The following EXTL3 variants were observed in gnomAD, a reference collection of about 807,000 sequenced individuals.
EXTL3 encodes the protein exostosin like glycosyltransferase 3, also known as exostosin-like 3.
Under a neutral mutation model 69.3 loss-of-function variants are expected in EXTL3, and 27 were observed. That is an observed-to-expected ratio of 0.39 (90% confidence interval 0.29 to 0.54). EXTL3 has a LOEUF of 0.54. Among genes scored for constraint, EXTL3 ranks in the 20% least tolerant of loss-of-function variants. The probability of loss-of-function intolerance (pLI) is 0.69; values close to 1 mark genes in which losing one functional copy is unlikely to be tolerated. For synonymous variants in EXTL3, 511 were observed against 499.4 expected (o/e 1.02, Z -0.31); for missense variants, 1,003 against 1,231.8 (o/e 0.81, Z 2.78).
At chr8:28,708,776 C>T (rs1161683119) in intron 1 of EXTL3, among the ~76,000 whole-genome samples, 1 of 152,068 alleles carries the variant, frequency 6.6e-6, no homozygotes, top group Non-Finnish European at 1.5e-5. Flanking sequence ...GGAGTTCTGC[C>T]ACTTGATGGG....
chr8:28,671,309 G>GT (rs749395423), intron 1 of EXTL3, among the ~76,000 whole-genome samples: 7,066 of 89,580 alleles, frequency 0.079, 528 homozygotes, highest in East Asian at 0.25. Context: ...TTTGTTTTTT[G>GT]TTTTTTTTTT....
In EXTL3 at chr8:28,754,339, CGAG is replaced by C; in HGVS notation, c.*3476_*3478del. 1 of 152,542 alleles carries C rather than the reference CGAG, an allele frequency of 6.6e-6. No individual in the cohort carries two copies. The highest frequency in any genetic ancestry group is 6.5e-5 in the Admixed American group (1 of 15,300). 9.4% of individuals were successfully genotyped at this position (152,542 alleles called of 1,614,324 possible). Reference sequence around the variant, plus strand: ...ATGGAGATGGGAAAGGGGGTAAAGGCGAGGACTCCTCTCCTGGGCTCTGCAGGT... The same window carrying C: ...ATGGAGATGGGAAAGGGGGTAAAGGCGACTCCTCTCCTGGGCTCTGCAGGT... On this transcript the variant is annotated 3_prime_UTR_variant, in exon 7 of 7. Coordinates refer to ENST00000220562, the MANE Select transcript of EXTL3 (RefSeq NM_001440.4).
At chr8:28,709,025 T>C (rs1041360059) in intron 1 of EXTL3, among the ~76,000 whole-genome samples, 2 of 152,156 alleles carry the variant, frequency 1.3e-5, no homozygotes, top group African/African-American at 4.8e-5. Context: ...ATGATACACA[T>C]GATAGGCATG....
At chr8:28,650,155 C>T (rs1261001929) in intron 1 of EXTL3, among the ~76,000 whole-genome samples, 2 of 147,782 alleles carry the variant, frequency 1.4e-5, no homozygotes, top group African/African-American at 5.0e-5. Flanking sequence ...GAGATTGCAC[C>T]ACTGCACTCC....
chr8:28,709,400 CCT>C (rs553980481), intron 1 of EXTL3, among the ~76,000 whole-genome samples: 5 of 152,050 alleles, frequency 3.3e-5, no homozygotes, highest in South Asian at 2.1e-4. Flanking sequence ...AAGCGTCTAG[CCT>C]CTCTCTCTGT....
intron 2 of EXTL3, among the ~76,000 whole-genome samples, chr8:28,612,472 AAAAAAGAAAAAAG>A (rs1417990574): frequency 1.3e-5 from 2 of 150,394 alleles, no homozygotes; most frequent in African/African-American, 4.9e-5. Context: ...TTAAAAAAAA[AAAAAAGAAAAAAG>A]AAAAAAAGAA....
intron 1 of EXTL3, among the ~76,000 whole-genome samples, chr8:28,657,431 C>T (rs1211753222): frequency 6.6e-6 from 1 of 152,194 alleles, no homozygotes; most frequent in African/African-American, 2.4e-5. Context: ...CTGCCTGGCC[C>T]GACTAAGTGG....
chr8:28,722,404 C>G (rs1422219305), intron 3 of EXTL3, among the ~76,000 whole-genome samples: 5 of 152,172 alleles, frequency 3.3e-5, no homozygotes, highest in Admixed American at 6.5e-5. Context: ...GTTCAGAGAT[C>G]AGCATAGCAC....
At chr8:28,635,665 C>T (rs1056759516) in intron 1 of EXTL3, among the ~76,000 whole-genome samples, 1 of 150,188 alleles carries the variant, frequency 6.7e-6, no homozygotes, top group Non-Finnish European at 1.5e-5. Context: ...GAGCTGAGAT[C>T]GCACCACTGC....
At chr8:28,686,180 T>C (rs1807574364) in intron 1 of EXTL3, among the ~76,000 whole-genome samples, 1 of 152,034 alleles carries the variant, frequency 6.6e-6, no homozygotes, top group Non-Finnish European at 1.5e-5. Flanking sequence ...TTTGCGTATA[T>C]GTAAAAAATA....
Position 28,749,623 on chromosome 8 carries a change from T to TTTCATTCATTCA in EXTL3, c.2551-1003_2551-992dup, listed in dbSNP as rs139624117. Among the ~76,000 whole-genome samples the TTTCATTCATTCA allele has an allele frequency of 1.3e-3, 194 of 150,616 alleles. 1 individual carries two copies. Among genetic ancestry groups the TTTCATTCATTCA allele is most frequent in the Non-Finnish European group, 2.0e-3 (133 of 67,656 alleles). On this transcript the variant is annotated intron_variant, in intron 6 of 6. Transcript: ENST00000220562. ...TTTTTCATTGTTTGGCCTCTGAGGA[T>TTTCATTCATTCA]TTCATTCATTCATTCATTCATTCAT... is the stretch of plus-strand genomic sequence containing the variant.
chr8:28,645,828 C>CTTT (rs34032752), intron 1 of EXTL3, among the ~76,000 whole-genome samples: 1 of 140,758 alleles, frequency 7.1e-6, no homozygotes, highest in Non-Finnish European at 1.6e-5. Context: ...TGCACCTGGA[C>CTTT]TTTTTTTTTT....
chr8:28,659,036 CT>C (rs1807060790), intron 1 of EXTL3, among the ~76,000 whole-genome samples: 1 of 152,094 alleles, frequency 6.6e-6, no homozygotes, highest in Non-Finnish European at 1.5e-5. Context: ...ATGTTATTTC[CT>C]AAGTACGGCT....
At chr8:28,635,423 CG>C in intron 1 of EXTL3, among the ~76,000 whole-genome samples, 1 of 148,438 alleles carries the variant, frequency 6.7e-6, no homozygotes, top group Middle Eastern at 3.4e-3. Flanking sequence ...AAAAATTGGC[CG>C]AGCGCAGTGG....
chr8:28,691,572 A>ATTGTTTTTTTTTTTTTTTTTTTTT (rs1800612661), intron 1 of EXTL3, among the ~76,000 whole-genome samples: 1 of 135,492 alleles, frequency 7.4e-6, no homozygotes, highest in African/African-American at 3.2e-5. Flanking sequence ...AGTTTTTGTG[A>ATTGTTTTTTTTTTTTTTTTTTTTT]TTTTTTTTTT....
At chr8:28,693,129 T>G (rs1377119854) in intron 1 of EXTL3, among the ~76,000 whole-genome samples, 1 of 151,796 alleles carries the variant, frequency 6.6e-6, no homozygotes, top group Admixed American at 6.6e-5. Flanking sequence ...ACAGGTTAGG[T>G]GTCTTATGCA....
At chr8:28,749,623 TTTCATTCATTCATTCATTCATTCA>T (rs139624117) in intron 6 of EXTL3, among the ~76,000 whole-genome samples, 2 of 150,502 alleles carry the variant, frequency 1.3e-5, no homozygotes, top group African/African-American at 2.4e-5. Flanking sequence ...CCTCTGAGGA[TTTCATTCATTCATTCATTCATTCA>T]TTCATTCATT....
At chr8:28,674,132 T>A (rs778862512) in intron 1 of EXTL3, among the ~76,000 whole-genome samples, 2 of 152,172 alleles carry the variant, frequency 1.3e-5, no homozygotes, top group Non-Finnish European at 2.9e-5. Context: ...CCAGCTGGAG[T>A]GCAGTAGCAC....
upstream of EXTL3, chr8:28,622,623 G>A (rs1386617131): frequency 2.7e-5 from 4 of 150,116 alleles, no homozygotes; most frequent in African/African-American, 4.9e-5. Flanking sequence ...TATTCGGGGG[G>A]CGGAGCCGGG....
Sources: gnomAD v4.1 joint callset for allele counts (sites outside exome capture counted in the v4.1 genomes callset) on GRCh38, gnomAD v4.1.1 for gene constraint, MANE v1.5 for transcripts, NCBI Gene and HGNC (gene_info 2026-07-23, HGNC 2026-07-21) for gene names.